Variants in SMYD3 observed in about 807,000 individuals in gnomAD.
SMYD3 encodes histone-lysine N-methyltransferase SMYD3.
SMYD3 carries 36 observed loss-of-function variants against 57.7 expected under a neutral mutation model. The observed-to-expected ratio is 0.62, with a 90% confidence interval of 0.48 to 0.82. The LOEUF (loss-of-function observed/expected upper bound fraction) is 0.82. Ranked by LOEUF, SMYD3 falls within the 40% of genes least tolerant of loss-of-function variation. The probability of loss-of-function intolerance (pLI) is 0.00; values close to 1 mark genes in which losing one functional copy is unlikely to be tolerated. For synonymous variants in SMYD3, 211 were observed against 195.0 expected (o/e 1.08, Z -0.68); for missense variants, 515 against 538.8 (o/e 0.96, Z 0.44).
At chr1:246,499,773 T>C (rs1001553828) in intron 1 of SMYD3, among the ~76,000 whole-genome samples, 1 of 152,196 alleles carries the variant, frequency 6.6e-6, no homozygotes, top group African/African-American at 2.4e-5. Context: ...TATGTTTAAA[T>C]AGGTATTTTC....
intron 5 of SMYD3, among the ~76,000 whole-genome samples, chr1:246,165,618 A>C (rs185657837): frequency 3.9e-5 from 6 of 151,942 alleles, no homozygotes; most frequent in Non-Finnish European, 8.8e-5. Context: ...GGCCAGGAAA[A>C]CTCCCAGGCA....
At chr1:246,084,485 G>C (rs1457632147) in intron 5 of SMYD3, among the ~76,000 whole-genome samples, 2 of 152,028 alleles carry the variant, frequency 1.3e-5, no homozygotes, top group Non-Finnish European at 2.9e-5. Context: ...CAAACTGCTA[G>C]GGTTACAGGC....
chr1:246,246,810 T>C (rs1361409), intron 5 of SMYD3, among the ~76,000 whole-genome samples: 39,835 of 150,466 alleles, frequency 0.26, 5,957 homozygotes, highest in East Asian at 0.58. Context: ...TGCCTGACTC[T>C]AACATTTACA....
Position 245,804,365 on chromosome 1 carries a change from G to A in SMYD3, c.1077-40216C>T, listed in dbSNP as rs563489498. On this transcript the variant is annotated intron_variant, in intron 10 of 11. Transcript: ENST00000490107. ...TGGGAGGCCAAGGCAGGCGGATCAC[G>A]AAGTCAGGAGATCCAGACCATCCTG... Among the ~76,000 whole-genome samples, 838 of 152,204 alleles carry A rather than the reference G, an allele frequency of 5.5e-3. 7 individuals carry two copies. Among genetic ancestry groups the A allele is most frequent in the African/African-American group, 0.019 (777 of 41,546 alleles).
chr1:246,005,127 G>T (rs531645554), intron 5 of SMYD3, among the ~76,000 whole-genome samples: 2 of 152,168 alleles, frequency 1.3e-5, no homozygotes, highest in Non-Finnish European at 2.9e-5. Flanking sequence ...GGTATTATAT[G>T]CATGAGCCAC....
intron 5 of SMYD3, among the ~76,000 whole-genome samples, chr1:246,102,576 C>T (rs908151857): frequency 6.6e-6 from 1 of 152,038 alleles, no homozygotes; most frequent in Non-Finnish European, 1.5e-5. Flanking sequence ...CTTGGAATGT[C>T]TCTCTTGTTT....
At chr1:245,995,919 G>C (rs2058921047) in intron 5 of SMYD3, among the ~76,000 whole-genome samples, 1 of 152,200 alleles carries the variant, frequency 6.6e-6, no homozygotes, top group Admixed American at 6.5e-5. Context: ...TGAGAAGGGA[G>C]ATGAAGTTTT....
intron 5 of SMYD3, among the ~76,000 whole-genome samples, chr1:245,981,171 T>A (rs1461231138): frequency 6.6e-6 from 1 of 152,216 alleles, no homozygotes; most frequent in South Asian, 2.1e-4. Flanking sequence ...GCTCAATAAG[T>A]CTGCAAAGAA....
intron 5 of SMYD3, among the ~76,000 whole-genome samples, chr1:246,185,689 C>G (rs1176989603): frequency 6.6e-6 from 1 of 152,108 alleles, no homozygotes; most frequent in Non-Finnish European, 1.5e-5. Context: ...TCTCGATCTC[C>G]TGATTTCGTG....
intron 1 of SMYD3, among the ~76,000 whole-genome samples, chr1:246,385,963 A>C (rs1305790459): frequency 1.3e-5 from 2 of 151,030 alleles, no homozygotes; most frequent in Non-Finnish European, 2.9e-5. Context: ...ATCTCGGCTC[A>C]CTGCAAGCTC....
chr1:246,273,575 C>CTTT (rs75025399), intron 5 of SMYD3, among the ~76,000 whole-genome samples: 2,507 of 84,352 alleles, frequency 0.03, 224 homozygotes, highest in African/African-American at 0.1. Context: ...TTTCACTAAT[C>CTTT]TTTTTTTTTT....
At chr1:246,071,943 G>T (rs1449778414) in intron 5 of SMYD3, among the ~76,000 whole-genome samples, 112 of 134,274 alleles carry the variant, frequency 8.3e-4, no homozygotes, top group African/African-American at 2.4e-3. Context: ...GCTCACTGTG[G>T]ATGCTTCCTG....
chr1:246,133,320 C>T (rs1442994313), intron 5 of SMYD3, among the ~76,000 whole-genome samples: 1 of 151,792 alleles, frequency 6.6e-6, no homozygotes, highest in Non-Finnish European at 1.5e-5. Flanking sequence ...CTCCCAGGCT[C>T]GTGAAGTTAC....
chr1:246,462,733 T>TA (rs1368746046), intron 1 of SMYD3, among the ~76,000 whole-genome samples: 1 of 152,172 alleles, frequency 6.6e-6, no homozygotes, highest in Non-Finnish European at 1.5e-5. Flanking sequence ...AGAGAAATCT[T>TA]AGATAGCTCA....
chr1:246,454,590 G>A (rs115144177), intron 1 of SMYD3, among the ~76,000 whole-genome samples: 1,954 of 152,188 alleles, frequency 0.013, 42 homozygotes, highest in African/African-American at 0.044. Context: ...AATAATCCAC[G>A]GCAGTAGTAA....
intron 10 of SMYD3, among the ~76,000 whole-genome samples, chr1:245,822,678 G>A (rs1363592934): frequency 1.3e-5 from 2 of 152,056 alleles, no homozygotes; most frequent in Non-Finnish European, 2.9e-5. Context: ...CCTCCGCTGA[G>A]GGTGAAGCCT....
At chr1:246,402,727 A>G (rs1194098836) in intron 1 of SMYD3, among the ~76,000 whole-genome samples, 2 of 152,206 alleles carry the variant, frequency 1.3e-5, no homozygotes, top group Non-Finnish European at 2.9e-5. Flanking sequence ...TAGAAGCTCA[A>G]ATGGCACTGC....
chr1:246,052,463 A>ACAT, intron 5 of SMYD3: 1 of 152,264 alleles, frequency 6.6e-6, no homozygotes, highest in Non-Finnish European at 1.5e-5. Context: ...TGCATTTCAA[A>ACAT]GATAATCCTA....
At chr1:246,305,574 CAAAT>C (rs948449310) in intron 5 of SMYD3, among the ~76,000 whole-genome samples, 1 of 151,884 alleles carries the variant, frequency 6.6e-6, no homozygotes. Flanking sequence ...GTCAAATAAA[CAAAT>C]AAGGATGATA....
Sources: gnomAD v4.1 joint callset for allele counts (sites outside exome capture counted in the v4.1 genomes callset) on GRCh38, gnomAD v4.1.1 for gene constraint, MANE v1.5 for transcripts, NCBI Gene and HGNC (gene_info 2026-07-23, HGNC 2026-07-21) for gene names.